The following PIK3AP1 variants were observed in gnomAD, a reference collection of about 807,000 sequenced individuals.
PIK3AP1 encodes the protein phosphoinositide-3-kinase adaptor protein 1.
A neutral mutation model predicts 88.1 loss-of-function variants in PIK3AP1; 21 were observed. The ratio of observed to expected loss-of-function variants is 0.24; its 90% CI spans 0.17 to 0.34. PIK3AP1 has a LOEUF of 0.34. Ranked by LOEUF, PIK3AP1 falls within the 10% of genes least tolerant of loss-of-function variation. The pLI is 1.00. For synonymous variants in PIK3AP1, 398 were observed against 400.0 expected (o/e 1.00, Z 0.06); for missense variants, 828 against 1,035.7 (o/e 0.80, Z 2.75).
At chr10:96,672,714 A>G (rs774629531) in intron 2 of PIK3AP1, among the ~76,000 whole-genome samples, 2 of 152,152 alleles carry the variant, frequency 1.3e-5, no homozygotes, top group Non-Finnish European at 2.9e-5. Context: ...TTGTCCACCA[A>G]TGATAAAACC....
intron 1 of PIK3AP1, among the ~76,000 whole-genome samples, chr10:96,719,905 G>A (rs1465238221): frequency 6.6e-6 from 1 of 152,198 alleles, no homozygotes; most frequent in Non-Finnish European, 1.5e-5. Flanking sequence ...GAGGAACGGG[G>A]CTTGGGGAAC....
intron 2 of PIK3AP1, among the ~76,000 whole-genome samples, chr10:96,704,734 A>C (rs1844340860): frequency 6.6e-6 from 1 of 151,856 alleles, no homozygotes; most frequent in African/African-American, 2.4e-5. Context: ...GAAAAAAAAA[A>C]GAAAAAAGAA....
At chr10:96,653,836 T>C (rs1034467721) in intron 3 of PIK3AP1, among the ~76,000 whole-genome samples, 2 of 152,214 alleles carry the variant, frequency 1.3e-5, no homozygotes, top group Non-Finnish European at 2.9e-5. Flanking sequence ...TGTTGCATTG[T>C]TTTTAATGAA....
chr10:96,615,496 G>A (rs1461218439), intron 13 of PIK3AP1, among the ~76,000 whole-genome samples: 6 of 152,168 alleles, frequency 3.9e-5, no homozygotes, highest in Non-Finnish European at 8.8e-5. Flanking sequence ...GAAATGACCA[G>A]ATTTAGGATA....
chr10:96,630,407 T>G (rs942548980), intron 8 of PIK3AP1, among the ~76,000 whole-genome samples: 1 of 152,366 alleles, frequency 6.6e-6, no homozygotes. Flanking sequence ...GCATTCATTA[T>G]TTTAAACATA....
chr10:96,616,543 G>T, intron 13 of PIK3AP1, 96 bp downstream of exon 13: 1 of 1,275,080 alleles, frequency 7.8e-7, no homozygotes, highest in South Asian at 1.2e-5. Context: ...TGCTGGGCAA[G>T]TGGTCTGCCC....
intron 10 of PIK3AP1, among the ~76,000 whole-genome samples, chr10:96,625,374 G>C (rs1843140947): frequency 6.6e-6 from 1 of 152,162 alleles, no homozygotes; most frequent in South Asian, 2.1e-4. Context: ...AGGGACATGG[G>C]CAAGAAAACA....
At chr10:96,667,288 A>G (rs1843777241) in intron 2 of PIK3AP1, among the ~76,000 whole-genome samples, 1 of 152,232 alleles carries the variant, frequency 6.6e-6, no homozygotes, top group African/African-American at 2.4e-5. Flanking sequence ...GTGGAAAAGA[A>G]TGACGTTTGC....
At chr10:96,693,720 G>A (rs993233212) in intron 2 of PIK3AP1, among the ~76,000 whole-genome samples, 16 of 152,100 alleles carry the variant, frequency 1.1e-4, no homozygotes, top group African/African-American at 3.4e-4. Context: ...TGCAACTGTT[G>A]GACTCTGTGC....
At chr10:96,705,631 G>A (rs1281378760) in intron 2 of PIK3AP1, among the ~76,000 whole-genome samples, 3 of 145,030 alleles carry the variant, frequency 2.1e-5, no homozygotes, top group Non-Finnish European at 4.5e-5. Context: ...TCCCCAGGCT[G>A]GAATGCAGTG....
At chr10:96,708,785 C>G (rs12356252) in intron 2 of PIK3AP1, among the ~76,000 whole-genome samples, 4,763 of 151,778 alleles carry the variant, frequency 0.031, 111 homozygotes, top group Non-Finnish European at 0.051. Flanking sequence ...AGAAGCTAGG[C>G]TGGTGGGAAA....
chr10:96,602,916 G>C (rs1000381665), intron 15 of PIK3AP1, among the ~76,000 whole-genome samples: 1 of 152,168 alleles, frequency 6.6e-6, no homozygotes, highest in African/African-American at 2.4e-5. Flanking sequence ...AGGTGTGAGG[G>C]GAAAGAAAGC....
chr10:96,613,021 CAG>C (rs1849154795), intron 13 of PIK3AP1, among the ~76,000 whole-genome samples: 1 of 98,368 alleles, frequency 1.0e-5, no homozygotes, highest in Non-Finnish European at 1.8e-5. Context: ...TTTTTTGAGA[CAG>C]AGTCTCGCAC....
intron 6 of PIK3AP1, among the ~76,000 whole-genome samples, chr10:96,649,465 C>T (rs949640331): frequency 6.6e-6 from 1 of 152,236 alleles, no homozygotes; most frequent in Non-Finnish European, 1.5e-5. Flanking sequence ...AAAGGCTTAA[C>T]TAGCAGCCAC....
intron 1 of PIK3AP1, among the ~76,000 whole-genome samples, chr10:96,717,416 T>A (rs181962026): frequency 3.6e-4 from 55 of 152,180 alleles, no homozygotes; most frequent in African/African-American, 1.3e-3. Flanking sequence ...GAACACCATA[T>A]TTGAAGAGGG....
chr10:96,695,420 G>C (rs959380103), intron 2 of PIK3AP1, among the ~76,000 whole-genome samples: 5 of 152,114 alleles, frequency 3.3e-5, no homozygotes, highest in African/African-American at 4.8e-5. Context: ...CATGTAAAAA[G>C]AAACTTATTT....
intron 2 of PIK3AP1, among the ~76,000 whole-genome samples, chr10:96,705,575 ATTTC>A (rs1311584035): frequency 7.0e-6 from 1 of 142,364 alleles, no homozygotes; most frequent in African/African-American, 2.6e-5. Context: ...TTTCCATTGC[ATTTC>A]TTTTTTTTTT....
Position 96,652,745 on chromosome 10 carries a change from A to G in PIK3AP1, c.665T>C (p.Met222Thr). ...GTACTCATTCTCCACCTTGGCTTCC[A>G]TCCTTACAGAGGGAGAATCCTCAGG... is the stretch of plus-strand genomic sequence containing the variant. ...FSPEDSPSVR[M>T]EAKVENEYTI... Residue 222 changes from methionine to threonine, a missense_variant, in exon 4 of 17, where the codon ATG becomes ACG. Met to Thr is a moderately conservative substitution (Grantham distance 81). Transcript: ENST00000339364. The G allele has an allele frequency of 6.2e-7, 1 of 1,614,164 alleles. No individual in the cohort carries two copies. The highest frequency in any genetic ancestry group is 8.5e-7 in the Non-Finnish European group (1 of 1,180,022).
At chr10:96,708,639 A>G (rs1652344521) in intron 2 of PIK3AP1, among the ~76,000 whole-genome samples, 1 of 149,424 alleles carries the variant, frequency 6.7e-6, no homozygotes, top group African/African-American at 2.4e-5. Flanking sequence ...AAGCTGTGAT[A>G]TGTGTCCATC....
Sources: allele counts gnomAD v4.1 joint callset (sites outside exome capture counted in the v4.1 genomes callset), GRCh38; gene constraint gnomAD v4.1.1; transcripts MANE v1.5; gene names NCBI Gene and HGNC (gene_info 2026-07-23, HGNC 2026-07-21).